Variants in USH2A observed in about 807,000 individuals in gnomAD.
USH2A encodes Usher syndrome 2A (autosomal recessive, mild).
USH2A carries 443 observed loss-of-function variants against 538.9 expected under a neutral mutation model. The observed-to-expected ratio is 0.82, with a 90% confidence interval of 0.76 to 0.89. The LOEUF is 0.89. USH2A is among the 40% of genes least tolerant of loss of function. The probability of loss-of-function intolerance (pLI) is 0.00; values close to 1 mark genes in which losing one functional copy is unlikely to be tolerated. For missense variants in USH2A, 6,633 were observed against 6,324.8 expected (o/e 1.05, Z -1.65); for synonymous variants, 2,413 against 2,273.5 (o/e 1.06, Z -1.75).
Position 215,765,726 on chromosome 1 carries a change from C to A in USH2A, c.11047+955G>T, listed in dbSNP as rs1487365247. 2.0e-5 allele frequency among the ~76,000 whole-genome samples: 3 copies of A among 152,082 alleles called. No individual in the cohort carries two copies. In the East Asian group the frequency reaches 5.8e-4, roughly 29 times the overall value. On this transcript the variant is annotated intron_variant, in intron 56 of 71. Transcript: ENST00000307340. ...ATTTTTAAATGCATTTATTTATTAA[C>A]CATTAACAATAAATGCCATTTTCTC...
chr1:216,243,135 T>TA, intron 13 of USH2A, among the ~76,000 whole-genome samples: 2 of 152,250 alleles, frequency 1.3e-5, no homozygotes, highest in South Asian at 4.2e-4. Flanking sequence ...CTATAAACTG[T>TA]AGCATGTCCT....
chr1:215,903,518 G>A (rs1472599203), intron 38 of USH2A, among the ~76,000 whole-genome samples: 1 of 152,080 alleles, frequency 6.6e-6, no homozygotes, highest in Non-Finnish European at 1.5e-5. Flanking sequence ...GTAAAAGAAA[G>A]AATTGCCAGA....
chr1:216,066,766 A>C (rs1337167137), intron 30 of USH2A, among the ~76,000 whole-genome samples: 1 of 152,188 alleles, frequency 6.6e-6, no homozygotes, highest in Non-Finnish European at 1.5e-5. Context: ...CTAGAATATC[A>C]TATCACTTAA....
Position 216,190,293 on chromosome 1 carries a change from A to G in USH2A, c.4326T>C (p.Phe1442=). 1 of 1,612,692 alleles carries G rather than the reference A, an allele frequency of 6.2e-7. No individual in the cohort carries two copies. The highest frequency in any genetic ancestry group is 8.5e-7 in the Non-Finnish European group (1 of 1,179,144). ...CAACTGAATTGCAGAGAGTAATAGT[A>G]AACTCATATATCCTATAAGGTTTCA... The part of the protein sequence containing the change: ...EGLKPYRIYE[F]TITLCNSVGC... Residue 1442 remains phenylalanine, a synonymous_variant, in exon 20 of 72, where the codon TTT becomes TTC. Coordinates refer to ENST00000307340, the MANE Select transcript of USH2A (RefSeq NM_206933.4).
chr1:216,230,876 A>ACTCT (rs1553318004), intron 14 of USH2A, among the ~76,000 whole-genome samples: 1 of 75,120 alleles, frequency 1.3e-5, no homozygotes. Context: ...TCATAATCTC[A>ACTCT]CTCTCTCTCT....
intron 38 of USH2A, among the ~76,000 whole-genome samples, chr1:215,921,245 G>A (rs1666092018): frequency 6.6e-6 from 1 of 152,038 alleles, no homozygotes; most frequent in Non-Finnish European, 1.5e-5. Flanking sequence ...AAAATACTTG[G>A]TGGGCAAGTT....
At chr1:215,845,746 A>T in intron 45 of USH2A, 78 bp downstream of exon 45, 1 of 1,489,712 alleles carries the variant, frequency 6.7e-7, no homozygotes. Context: ...TGGAGGGATG[A>T]CTGATCTCAA....
chr1:216,218,435 A>G (rs984187846), intron 14 of USH2A, among the ~76,000 whole-genome samples: 31 of 152,154 alleles, frequency 2.0e-4, no homozygotes, highest in African/African-American at 7.2e-4. Context: ...ACCACTCACC[A>G]TTTAAAAGGT....
intron 37 of USH2A, among the ~76,000 whole-genome samples, chr1:215,935,806 A>C (rs974343069): frequency 6.6e-6 from 1 of 152,020 alleles, no homozygotes; most frequent in Non-Finnish European, 1.5e-5. Flanking sequence ...TAACTCTTAA[A>C]AAACAGAAAA....
intron 49 of USH2A, 54 bp downstream of exon 49, chr1:215,813,682 G>T (rs767640458): frequency 1.2e-6 from 2 of 1,610,690 alleles, no homozygotes; most frequent in Admixed American, 1.7e-5. Context: ...TGAACCACGT[G>T]TTTATGTTTT....
chr1:215,728,118 C>T lies in USH2A; in HGVS notation c.11978G>A (p.Gly3993Asp), dbSNP rs148413835. 1.9e-6 allele frequency: 3 copies of T among 1,614,136 alleles called. No homozygotes were observed. The highest frequency in any genetic ancestry group is 2.2e-5 in the South Asian group (2 of 91,080). Reference protein sequence around the residue: ...LNWTKPESPNGIISHYRVVYQ... With the variant: ...LNWTKPESPNDIISHYRVVYQ... ...GACCACACGGTAATGGGAGATAATG[C>T]CATTGGGAGATTCTGGCTTTGTCCA... The change falls in exon 61 of 72, where the codon GGC (glycine) becomes GAC (aspartate). Residue 3993 changes from glycine (G) to aspartate (D), a missense_variant. By Grantham distance (94) the Gly-to-Asp change is moderately conservative. Transcript: ENST00000307340.
At position 216,199,862 on chromosome 1, in the gene USH2A, A is replaced by G; in HGVS notation, c.3576T>C (p.Gly1192=). The G allele has an allele frequency of 1.2e-6, 2 of 1,614,144 alleles. No homozygotes were observed. Among genetic ancestry groups the G allele is most frequent in the Non-Finnish European group, 1.7e-6 (2 of 1,179,986 alleles). Residue 1192 remains glycine, a synonymous_variant, in exon 17 of 72, where the codon GGT becomes GGC. Transcript: ENST00000307340. Reference sequence around the variant, plus strand: ...GACCTTCGTAGGAAACACATGGCTGACCACCAGCCAAAGGGGCACAGGACA... The same window carrying G: ...GACCTTCGTAGGAAACACATGGCTGGCCACCAGCCAAAGGGGCACAGGACA... The part of the protein sequence containing the change: ...YILSCAPLAG[G]QPCVSYEGHE...
chr1:215,677,061 T>C (rs887601095), intron 62 of USH2A, among the ~76,000 whole-genome samples: 2 of 152,192 alleles, frequency 1.3e-5, no homozygotes, highest in African/African-American at 2.4e-5. Context: ...CTTCCCTCCC[T>C]CACCGTTGAT....
At chr1:216,220,365 T>C (rs554831481) in intron 14 of USH2A, among the ~76,000 whole-genome samples, 1 of 149,804 alleles carries the variant, frequency 6.7e-6, no homozygotes, top group South Asian at 2.2e-4. Flanking sequence ...TCTTATAGAA[T>C]TGCCCCGGTC....
At chr1:216,326,380 C>A (rs139825900) in intron 5 of USH2A, among the ~76,000 whole-genome samples, 163 of 152,250 alleles carry the variant, frequency 1.1e-3, no homozygotes, top group African/African-American at 3.7e-3. Flanking sequence ...CCCAGTGGAG[C>A]AGTGAAGGAG....
At chr1:215,992,662 C>T (rs111273174) in intron 35 of USH2A, among the ~76,000 whole-genome samples, 12 of 152,266 alleles carry the variant, frequency 7.9e-5, no homozygotes, top group African/African-American at 1.7e-4. Flanking sequence ...CTCTCTCCTT[C>T]GCCAAGGAAG....
At chr1:216,329,406 C>T (rs2037803936) in intron 4 of USH2A, among the ~76,000 whole-genome samples, 1 of 152,014 alleles carries the variant, frequency 6.6e-6, no homozygotes, top group Non-Finnish European at 1.5e-5. Context: ...AGAATACATG[C>T]AAATACAGCA....
chr1:215,769,742 C>T (rs757039584), intron 55 of USH2A, among the ~76,000 whole-genome samples: 45 of 152,116 alleles, frequency 3.0e-4, no homozygotes, highest in Admixed American at 2.0e-4. Context: ...GCAGACTCAG[C>T]ACTGAGCAGA....
chr1:216,421,999 T>C lies in USH2A; in HGVS notation c.338A>G (p.Lys113Arg). 6.2e-7 allele frequency: 1 copy of C among 1,613,970 alleles called. No individual in the cohort carries two copies. The highest frequency in any genetic ancestry group is 8.5e-7 in the Non-Finnish European group (1 of 1,179,932). The change falls in exon 2 of 72, where the codon AAG (lysine) becomes AGG (arginine). Residue 113 changes from lysine (K) to arginine (R), a missense_variant. Transcript: ENST00000307340. ...ATGGGCGTTAGGATGCAGATCATTC[T>C]TGTCTGGTGTGATGCAGCTACTGAG... is the stretch of plus-strand genomic sequence containing the variant. The part of the protein sequence containing the change: ...AGLSSCITPD[K>R]NDLHPNAHSN...
Sources: allele counts gnomAD v4.1 joint callset (sites outside exome capture counted in the v4.1 genomes callset), GRCh38; gene constraint gnomAD v4.1.1; transcripts MANE v1.5; gene names NCBI Gene and HGNC (gene_info 2026-07-23, HGNC 2026-07-21).